Variants in RIT2 observed in about 807,000 individuals in gnomAD.
RIT2 encodes the protein Ras like without CAAX 2, also known as GTP-binding protein Rit2.
A neutral mutation model predicts 23.7 loss-of-function variants in RIT2; 24 were observed. The observed-to-expected ratio is 1.01, with a 90% CI of 0.73 to 1.43. The LOEUF (loss-of-function observed/expected upper bound fraction) is 1.43. Ranked by LOEUF, RIT2 falls within the 40% of genes most tolerant of loss-of-function variation. The probability of loss-of-function intolerance (pLI) is 0.00; values close to 1 mark genes in which losing one functional copy is unlikely to be tolerated. For missense variants in RIT2, 236 were observed against 266.9 expected, an observed-to-expected ratio of 0.88 and a Z score of 0.81; for synonymous variants, 107 against 91.1, an observed-to-expected ratio of 1.17 and a Z score of -0.99.
At chr18:42,992,519 G>A (rs1389552849) in intron 2 of RIT2, among the ~76,000 whole-genome samples, 1 of 151,754 alleles carries the variant, frequency 6.6e-6, no homozygotes, top group African/African-American at 2.4e-5. Context: ...CTTTTCTACA[G>A]ACCCATCTGA....
intron 4 of RIT2, among the ~76,000 whole-genome samples, chr18:42,824,353 C>T (rs1906236141): frequency 6.6e-6 from 1 of 152,022 alleles, no homozygotes; most frequent in African/African-American, 2.4e-5. Flanking sequence ...TAGTCATCAA[C>T]AAGGAATGAC....
At chr18:43,067,492 T>C (rs1404063721) in intron 1 of RIT2, among the ~76,000 whole-genome samples, 1 of 152,154 alleles carries the variant, frequency 6.6e-6, no homozygotes, top group East Asian at 1.9e-4. Flanking sequence ...ATCAAATACA[T>C]GTAAGATATA....
chr18:42,992,666 C>T (rs986152801), intron 2 of RIT2, among the ~76,000 whole-genome samples: 18 of 152,280 alleles, frequency 1.2e-4, no homozygotes, highest in African/African-American at 4.3e-4. Flanking sequence ...AACTAGCTTT[C>T]CCCCACCTGC....
At chr18:42,892,885 G>A (rs1908218945) in intron 4 of RIT2, among the ~76,000 whole-genome samples, 1 of 152,066 alleles carries the variant, frequency 6.6e-6, no homozygotes, top group African/African-American at 2.4e-5. Context: ...GTCTGAGTTA[G>A]GTCTACTGAA....
At chr18:42,941,167 A>C (rs1909591271) in intron 3 of RIT2, among the ~76,000 whole-genome samples, 1 of 152,148 alleles carries the variant, frequency 6.6e-6, no homozygotes, top group South Asian at 2.1e-4. Context: ...CAAAGGCAAA[A>C]AGAAATGAGC....
intron 1 of RIT2, among the ~76,000 whole-genome samples, chr18:43,101,828 G>A (rs1400915390): frequency 6.6e-6 from 1 of 152,108 alleles, no homozygotes; most frequent in Admixed American, 6.5e-5. Context: ...TTTGTGGGGT[G>A]GCTCTAAAGA....
intron 2 of RIT2, among the ~76,000 whole-genome samples, chr18:42,977,193 G>A (rs1451438568): frequency 4.0e-5 from 6 of 151,874 alleles, no homozygotes; most frequent in Non-Finnish European, 7.4e-5. Context: ...ATTCATTTAT[G>A]GTCTTATTCA....
At chr18:42,837,314 C>G (rs1370621058) in intron 4 of RIT2, among the ~76,000 whole-genome samples, 1 of 151,242 alleles carries the variant, frequency 6.6e-6, no homozygotes, top group South Asian at 2.1e-4. Flanking sequence ...ACTACAGGTG[C>G]CTGCCACCAA....
intron 1 of RIT2, among the ~76,000 whole-genome samples, chr18:43,082,649 G>A (rs1020937605): frequency 6.6e-6 from 1 of 151,762 alleles, no homozygotes; most frequent in Non-Finnish European, 1.5e-5. Context: ...TTCAATAGAT[G>A]CAGAAAAGGC....
intron 3 of RIT2, among the ~76,000 whole-genome samples, chr18:42,934,650 T>G (rs751243657): frequency 6.6e-6 from 1 of 152,182 alleles, no homozygotes; most frequent in Non-Finnish European, 1.5e-5. Context: ...GATATTAACA[T>G]CATATGATAT....
intron 3 of RIT2, among the ~76,000 whole-genome samples, chr18:42,947,821 G>A (rs754220655): frequency 1.7e-4 from 26 of 152,118 alleles, no homozygotes; most frequent in Non-Finnish European, 3.5e-4. Context: ...CATAGTAGCT[G>A]TATATAAAAT....
At chr18:43,045,711 C>T (rs1273391123) in intron 1 of RIT2, among the ~76,000 whole-genome samples, 2 of 152,018 alleles carry the variant, frequency 1.3e-5, no homozygotes, top group Non-Finnish European at 2.9e-5. Context: ...ATATTTTTAC[C>T]TCACCTCTAA....
chr18:42,832,176 G>C (rs1267454579), intron 4 of RIT2, among the ~76,000 whole-genome samples: 1 of 152,206 alleles, frequency 6.6e-6, no homozygotes, highest in Non-Finnish European at 1.5e-5. Flanking sequence ...AATCGATAGA[G>C]AGGCAGCTTA....
chr18:43,048,795 T>G (rs972158645), intron 1 of RIT2, among the ~76,000 whole-genome samples: 1 of 152,186 alleles, frequency 6.6e-6, no homozygotes, highest in Admixed American at 6.5e-5. Context: ...GTCCCATCTG[T>G]TTGAAATATT....
chr18:43,106,095 A>G (rs1047908175), intron 1 of RIT2, among the ~76,000 whole-genome samples: 3 of 152,220 alleles, frequency 2.0e-5, no homozygotes, highest in Non-Finnish European at 4.4e-5. Flanking sequence ...TATTAACCAC[A>G]CCCACACTTC....
chr18:42,875,861 C>G (rs1317409063), intron 4 of RIT2, among the ~76,000 whole-genome samples: 1 of 151,940 alleles, frequency 6.6e-6, no homozygotes, highest in Non-Finnish European at 1.5e-5. Flanking sequence ...TTGACTGGCT[C>G]AGCTATTTGC....
intron 4 of RIT2, among the ~76,000 whole-genome samples, chr18:42,761,641 G>A (rs1913306033): frequency 6.6e-6 from 1 of 152,078 alleles, no homozygotes; most frequent in Non-Finnish European, 1.5e-5. Context: ...CATAATATGT[G>A]AGTATCAAAG....
chr18:42,919,838 A>G (rs1057107632), intron 4 of RIT2, among the ~76,000 whole-genome samples: 2 of 152,096 alleles, frequency 1.3e-5, no homozygotes, highest in African/African-American at 4.8e-5. Context: ...TTTTGGAAAA[A>G]GAGAAATCCG....
chr18:42,865,901 G>T (rs572269344), intron 4 of RIT2, among the ~76,000 whole-genome samples: 10 of 152,216 alleles, frequency 6.6e-5, no homozygotes, highest in Non-Finnish European at 1.0e-4. Context: ...TCTTCAGGCT[G>T]CATCTTCTGC....
Sources: allele counts gnomAD v4.1 joint callset (sites outside exome capture counted in the v4.1 genomes callset), GRCh38; gene constraint gnomAD v4.1.1; transcripts MANE v1.5; gene names NCBI Gene and HGNC (gene_info 2026-07-23, HGNC 2026-07-21).